Variants in NCAM1 observed in about 807,000 individuals in gnomAD.
NCAM1 encodes neural cell adhesion molecule 1.
A neutral mutation model predicts 109.8 loss-of-function variants in NCAM1; 14 were observed. That is an observed-to-expected ratio of 0.13 (90% CI 0.08 to 0.20). NCAM1 has a LOEUF of 0.20. Ranked by LOEUF, NCAM1 falls within the 10% of genes least tolerant of loss-of-function variation. The probability of loss-of-function intolerance (pLI) is 1.00; values close to 1 mark genes in which losing one functional copy is unlikely to be tolerated. For synonymous variants in NCAM1, 418 were observed against 442.9 expected, an observed-to-expected ratio of 0.94 and a Z score of 0.70; for missense variants, 774 against 1,109.9, an observed-to-expected ratio of 0.70 and a Z score of 4.30.
At chr11:112,968,345 T>G (rs1216594625) in intron 1 of NCAM1, among the ~76,000 whole-genome samples, 1 of 152,200 alleles carries the variant, frequency 6.6e-6, no homozygotes, top group Admixed American at 6.5e-5. Flanking sequence ...GAGATGTAAG[T>G]GCCCGATTGG....
At chr11:113,224,917 C>T (rs1944795832) in intron 9 of NCAM1, among the ~76,000 whole-genome samples, 1 of 152,168 alleles carries the variant, frequency 6.6e-6, no homozygotes, top group Admixed American at 6.5e-5. Flanking sequence ...AACATCCACA[C>T]CAAAACCCCA....
intron 1 of NCAM1, among the ~76,000 whole-genome samples, chr11:113,111,822 T>G (rs1460501714): frequency 6.6e-6 from 1 of 152,184 alleles, no homozygotes; most frequent in Non-Finnish European, 1.5e-5. Context: ...CACTCAAAAA[T>G]GTATCAAAAG....
At chr11:113,235,817 C>T (rs1555118178) in intron 14 of NCAM1, among the ~76,000 whole-genome samples, 2 of 152,186 alleles carry the variant, frequency 1.3e-5, no homozygotes, top group Non-Finnish European at 2.9e-5. Context: ...GCCATTCCCT[C>T]TTTCTTTTAA....
chr11:113,074,283 AT>A (rs1356268942), intron 1 of NCAM1, among the ~76,000 whole-genome samples: 3 of 152,164 alleles, frequency 2.0e-5, no homozygotes, highest in Non-Finnish European at 4.4e-5. Flanking sequence ...AGGACAAGAT[AT>A]TTTAACATGC....
At chr11:113,162,478 T>G (rs1440843920) in intron 1 of NCAM1, among the ~76,000 whole-genome samples, 3 of 152,200 alleles carry the variant, frequency 2.0e-5, no homozygotes, top group Non-Finnish European at 2.9e-5. Context: ...TTTGCAGTGC[T>G]TGCTTCTGGC....
intron 1 of NCAM1, among the ~76,000 whole-genome samples, chr11:113,115,471 T>C (rs1940657325): frequency 1.3e-5 from 2 of 152,140 alleles, no homozygotes; most frequent in Non-Finnish European, 2.9e-5. Context: ...AGCATCCACA[T>C]GAAATAGCAA....
intron 1 of NCAM1, among the ~76,000 whole-genome samples, chr11:113,144,664 G>A (rs1941948653): frequency 6.6e-6 from 1 of 152,162 alleles, no homozygotes; most frequent in Non-Finnish European, 1.5e-5. Context: ...GATCGGTTCA[G>A]CATTTGTATT....
At chr11:113,236,888 T>G (rs372774163) in intron 14 of NCAM1, among the ~76,000 whole-genome samples, 3 of 152,192 alleles carry the variant, frequency 2.0e-5, no homozygotes, top group African/African-American at 7.2e-5. Flanking sequence ...GCTGCCATAG[T>G]CAAAACGTAG....
At chr11:113,164,967 A>G (rs951989425) in intron 1 of NCAM1, among the ~76,000 whole-genome samples, 15 of 152,302 alleles carry the variant, frequency 9.8e-5, no homozygotes, top group African/African-American at 3.1e-4. Context: ...AGACTCTCCT[A>G]TATCACCCAG....
chr11:113,106,387 G>A lies in NCAM1; in HGVS notation c.53-95992G>A, dbSNP rs533002929. Among the ~76,000 whole-genome samples, 3 of 152,292 alleles carry A rather than the reference G, an allele frequency of 2.0e-5. No individual in the cohort carries two copies. In the South Asian group the frequency reaches 6.2e-4, roughly 32 times the overall value. ...GTTTGTATACATTTTCCTTTCTGGG[G>A]AGTCTAACAGTTGATGACATAAAAT... On this transcript the variant is annotated intron_variant, in intron 1 of 19. Coordinates refer to ENST00000316851, the MANE Select transcript of NCAM1 (RefSeq NM_181351.5).
chr11:113,205,139 A>G lies in NCAM1; in HGVS notation c.347-384A>G, dbSNP rs1944197894. ...CTGGGAGTAGCAGTTCGAGTGGGAG[A>G]CAAGAAAAGGACTGATGATTCTTAC... On this transcript the variant is annotated intron_variant, in intron 3 of 19. Transcript: ENST00000316851. Among the ~76,000 whole-genome samples the G allele has an allele frequency of 3.3e-5, 5 of 152,286 alleles. No homozygotes were observed. The South Asian group carries it at 1.0e-3, about 32-fold the overall frequency.
In NCAM1 at chr11:113,275,848, A is replaced by C. The variant is rs1555126479; in HGVS notation, c.*461A>C. On this transcript the variant is annotated 3_prime_UTR_variant, in exon 20 of 20. Coordinates refer to ENST00000316851, the MANE Select transcript of NCAM1 (RefSeq NM_181351.5). ...ATCGAATGAACAAAGTCCACAGTTTATTTTTATACTTTCAGTCAAGTTTGA... is the reference window on the plus strand; with the variant it reads ...ATCGAATGAACAAAGTCCACAGTTTCTTTTTATACTTTCAGTCAAGTTTGA... The C allele has an allele frequency of 6.5e-6, 1 of 153,974 alleles. No homozygotes were observed. The highest frequency in any genetic ancestry group is 1.4e-5 in the Non-Finnish European group (1 of 69,092). The allele number at this position is 153,974 out of a possible 1,614,324, so 9.5% of individuals were successfully genotyped here.
intron 9 of NCAM1, chr11:113,231,096 T>C: frequency 1.7e-6 from 2 of 1,177,144 alleles, no homozygotes. Flanking sequence ...TTTTTACATG[T>C]GATTATTTCA....
At chr11:112,976,252 T>C (rs1038515568) in intron 1 of NCAM1, among the ~76,000 whole-genome samples, 39 of 152,098 alleles carry the variant, frequency 2.6e-4, no homozygotes, top group African/African-American at 7.9e-4. Flanking sequence ...AGTATAAAAA[T>C]ATATATACAA....
At chr11:113,263,877 G>A (rs782192593) in intron 17 of NCAM1, 3 of 985,472 alleles carry the variant, frequency 3.0e-6, no homozygotes, top group Admixed American at 6.1e-5. Context: ...AGACTGCCCA[G>A]CCCAGGAGGG....
chr11:113,147,139 T>C lies in NCAM1; in HGVS notation c.53-55240T>C, dbSNP rs936918495. ...TTCAGGAAAAGGCCTACAAAACTTG[T>C]ATAAAGGCCAGCTGCAATTCGGTTT... On this transcript the variant is annotated intron_variant, in intron 1 of 19. Coordinates refer to ENST00000316851, the MANE Select transcript of NCAM1 (RefSeq NM_181351.5). 9.2e-5 allele frequency among the ~76,000 whole-genome samples: 14 copies of C among 152,326 alleles called. No homozygotes were observed. In the East Asian group the frequency reaches 2.5e-3, roughly 27 times the overall value.
intron 1 of NCAM1, among the ~76,000 whole-genome samples, chr11:113,121,779 G>T (rs2005085): frequency 0.39 from 59,540 of 152,022 alleles, 13,816 homozygotes; most frequent in Non-Finnish European, 0.54. Flanking sequence ...TCCTTTGGGT[G>T]CCTATCCAGA....
intron 1 of NCAM1, among the ~76,000 whole-genome samples, chr11:113,029,214 A>G (rs1246375101): frequency 6.6e-6 from 1 of 152,220 alleles, no homozygotes; most frequent in Non-Finnish European, 1.5e-5. Flanking sequence ...CTTGGAAGTT[A>G]TCTGGGATGT....
At chr11:112,980,881 A>G (rs1951136680) in intron 1 of NCAM1, among the ~76,000 whole-genome samples, 4 of 151,878 alleles carry the variant, frequency 2.6e-5, no homozygotes, top group Admixed American at 2.6e-4. Flanking sequence ...TCCTCAAAGA[A>G]CTATTGAATG....
Sources: allele counts gnomAD v4.1 joint callset (sites outside exome capture counted in the v4.1 genomes callset), GRCh38; gene constraint gnomAD v4.1.1; transcripts MANE v1.5; gene names NCBI Gene and HGNC (gene_info 2026-07-23, HGNC 2026-07-21).